The following MBD5 variants were observed in gnomAD, a reference collection of about 807,000 sequenced individuals.
MBD5 encodes methyl-CpG binding domain protein 5, also known as methyl-CpG-binding domain protein 5.
In MBD5, 13 loss-of-function variants were observed where a neutral mutation model predicts 117.3. The ratio of observed to expected loss-of-function variants is 0.11; its 90% confidence interval spans 0.07 to 0.18. The LOEUF is 0.18. Ranked by LOEUF, MBD5 falls within the 10% of genes least tolerant of loss-of-function variation. MBD5 has a pLI of 1.00. For synonymous variants in MBD5, 727 were observed against 766.4 expected (o/e 0.95, Z 0.85); for missense variants, 1,879 against 2,093.8 (o/e 0.90, Z 2.00).
chr2:148,435,606 G>T lies in MBD5; in HGVS notation c.-556-22597G>T, dbSNP rs189582515. Reference sequence around the variant, plus strand: ...TGGTTTGTAGGGTTTCTGCTGAAAGGTCTGCTATTAGCCTGAAGAGATTTC... The same window carrying T: ...TGGTTTGTAGGGTTTCTGCTGAAAGTTCTGCTATTAGCCTGAAGAGATTTC... On this transcript the variant is annotated intron_variant, in intron 4 of 13. Transcript: ENST00000642680. 3.2e-4 allele frequency among the ~76,000 whole-genome samples: 49 copies of T among 152,264 alleles called. No individual in the cohort carries two copies. In the East Asian group the frequency reaches 7.1e-3, roughly 22 times the overall value.
chr2:148,209,295 T>A (rs1228844023), intron 2 of MBD5, among the ~76,000 whole-genome samples: 1 of 152,112 alleles, frequency 6.6e-6, no homozygotes, highest in Non-Finnish European at 1.5e-5. Flanking sequence ...TGCAATAATG[T>A]TACGAGGTGG....
chr2:148,376,860 ATATATATAATTATATAT>A (rs1704007124), intron 4 of MBD5, among the ~76,000 whole-genome samples: 1 of 140,394 alleles, frequency 7.1e-6, no homozygotes. Flanking sequence ...TATTATAATC[ATATATATAATTATATAT>A]TATATATAAT....
At position 148,083,600 on chromosome 2, in the gene MBD5, A is replaced by G. The variant is rs1695703237; in HGVS notation, c.-925+61916A>G. On this transcript the variant is annotated intron_variant, in intron 1 of 13. Coordinates refer to ENST00000642680, the MANE Select transcript of MBD5 (RefSeq NM_001378120.1). ...TATATTACACCCTGTCCTTACTCAA[A>G]TAGTTTCATTTTTTATTTATTTTTA... Among the ~76,000 whole-genome samples, 3 of 152,108 alleles carry G rather than the reference A, an allele frequency of 2.0e-5. No homozygotes were observed. In the South Asian group the frequency reaches 6.2e-4, roughly 32 times the overall value.
intron 4 of MBD5, among the ~76,000 whole-genome samples, chr2:148,407,894 T>G (rs1434051245): frequency 1.3e-5 from 2 of 152,198 alleles, no homozygotes; most frequent in Non-Finnish European, 1.5e-5. Context: ...GATTCCATTT[T>G]GTATATTTTT....
At chr2:148,224,412 G>A (rs962028688) in intron 2 of MBD5, among the ~76,000 whole-genome samples, 1 of 151,706 alleles carries the variant, frequency 6.6e-6, no homozygotes, top group African/African-American at 2.4e-5. Context: ...GCACCATCTC[G>A]GCTCACTGCA....
chr2:148,512,893 C>G lies in MBD5; in HGVS notation c.5136C>G (p.Asp1712Glu). Residue 1712 changes from aspartate to glutamate, a missense_variant, in exon 14 of 14, where the codon GAC becomes GAG. Coordinates refer to ENST00000642680, the MANE Select transcript of MBD5 (RefSeq NM_001378120.1). ...SGTVHQIPQG[D>E]RQMRPPKPKR... ...AGGTACACCAAATCCCACAGGGTGA[C>G]AGACAAATGAGACCCCCCAAACCCA... The G allele has an allele frequency of 6.2e-7, 1 of 1,613,780 alleles. No individual in the cohort carries two copies. The highest frequency in any genetic ancestry group is 8.5e-7 in the Non-Finnish European group (1 of 1,179,810).
At chr2:148,179,469 T>G (rs996815925) in intron 2 of MBD5, among the ~76,000 whole-genome samples, 4 of 152,188 alleles carry the variant, frequency 2.6e-5, no homozygotes, top group African/African-American at 9.6e-5. Flanking sequence ...TTTCATGTAT[T>G]TATTAATCAG....
intron 3 of MBD5, among the ~76,000 whole-genome samples, chr2:148,321,518 T>C (rs1424200007): frequency 6.6e-6 from 1 of 152,128 alleles, no homozygotes; most frequent in East Asian, 1.9e-4. Flanking sequence ...GGTGTGCAGG[T>C]GTGGGAAAGC....
At chr2:148,306,575 C>T (rs1282622823) in intron 3 of MBD5, among the ~76,000 whole-genome samples, 1 of 152,102 alleles carries the variant, frequency 6.6e-6, no homozygotes, top group Admixed American at 6.5e-5. Flanking sequence ...TTTACAAAGA[C>T]ATAATCTGTA....
intron 3 of MBD5, among the ~76,000 whole-genome samples, chr2:148,312,560 T>A (rs1413539693): frequency 6.6e-6 from 1 of 152,196 alleles, no homozygotes; most frequent in Admixed American, 6.5e-5. Flanking sequence ...GTAACCTTTT[T>A]TCAAGGTCCT....
At chr2:148,286,672 G>A (rs1000432114) in intron 3 of MBD5, among the ~76,000 whole-genome samples, 8 of 152,142 alleles carry the variant, frequency 5.3e-5, no homozygotes, top group African/African-American at 1.7e-4. Flanking sequence ...TAATCTGGTT[G>A]TACTCATCTT....
chr2:148,484,053 G>C lies in MBD5; in HGVS notation c.3462G>C (p.Gly1154=). The part of the protein sequence containing the change: ...ETLLNISNNA[G]NTPGPAKLNS... ...TGCTGAATATATCTAATAATGCTGG[G>C]AATACACCTGGTCCAGCTAAACTCA... Residue 1154 remains glycine, a synonymous_variant, in exon 9 of 14, where the codon GGG becomes GGC. Transcript: ENST00000642680. 1.3e-6 allele frequency: 2 copies of C among 1,549,702 alleles called. No individual in the cohort carries two copies. Among genetic ancestry groups the C allele is most frequent in the Non-Finnish European group, 1.7e-6 (2 of 1,146,524 alleles).
At chr2:148,387,218 C>T (rs957551451) in intron 4 of MBD5, among the ~76,000 whole-genome samples, 2 of 152,082 alleles carry the variant, frequency 1.3e-5, no homozygotes, top group Middle Eastern at 3.4e-3. Context: ...TACATCGTGA[C>T]CACGGAAGGC....
intron 1 of MBD5, among the ~76,000 whole-genome samples, chr2:148,156,116 G>A (rs984408547): frequency 1.3e-5 from 2 of 152,156 alleles, no homozygotes; most frequent in Admixed American, 1.3e-4. Flanking sequence ...ATATCTTTAG[G>A]CCCTATTAAA....
At chr2:148,256,637 G>A (rs1700597018) in intron 3 of MBD5, among the ~76,000 whole-genome samples, 1 of 152,176 alleles carries the variant, frequency 6.6e-6, no homozygotes, top group African/African-American at 2.4e-5. Context: ...GTCCACACCG[G>A]GTTTCAAACC....
rs189746305 is a variant in MBD5, at chr2:148,229,629, G to A, written c.-830-3616G>A. The stretch of plus-strand genomic sequence containing the variant: ...TCACTTTCTGTACTTACTCGTAGCT[G>A]TCCTTCTTGGGAAGGCTTTCCAGAT... On this transcript the variant is annotated intron_variant, in intron 2 of 13. Transcript: ENST00000642680. Among the ~76,000 whole-genome samples the A allele has an allele frequency of 3.3e-4, 50 of 152,222 alleles. No homozygotes were observed. The East Asian group carries it at 9.5e-3, about 29-fold the overall frequency.
intron 2 of MBD5, among the ~76,000 whole-genome samples, chr2:148,187,174 T>C (rs1391976653): frequency 6.6e-6 from 1 of 152,168 alleles, no homozygotes; most frequent in Non-Finnish European, 1.5e-5. Context: ...TGTGCTATGA[T>C]CACATGTGTG....
At chr2:148,217,486 G>C (rs1270678049) in intron 2 of MBD5, among the ~76,000 whole-genome samples, 1 of 152,282 alleles carries the variant, frequency 6.6e-6, no homozygotes, top group South Asian at 2.1e-4. Flanking sequence ...TGAGCGCTGG[G>C]CAACTGGCCC....
At chr2:148,403,346 A>G (rs539666371) in intron 4 of MBD5, among the ~76,000 whole-genome samples, 1 of 152,042 alleles carries the variant, frequency 6.6e-6, no homozygotes, top group African/African-American at 2.4e-5. Context: ...CACTCAGCTA[A>G]TTTTTGTACT....
Sources: gnomAD v4.1 joint callset for allele counts (sites outside exome capture counted in the v4.1 genomes callset) on GRCh38, gnomAD v4.1.1 for gene constraint, MANE v1.5 for transcripts, NCBI Gene and HGNC (gene_info 2026-07-23, HGNC 2026-07-21) for gene names.